Variants in NWD1 observed in about 807,000 individuals in gnomAD.
The protein encoded by NWD1 is NACHT domain- and WD repeat-containing protein 1.
In NWD1, 129 loss-of-function variants were observed where a neutral mutation model predicts 135.1. That is an observed-to-expected ratio of 0.96 (90% CI 0.83 to 1.11). The LOEUF is 1.11. NWD1 is among the 50% of genes least tolerant of loss of function. The probability of loss-of-function intolerance (pLI) is 0.00; values close to 1 mark genes in which losing one functional copy is unlikely to be tolerated. For synonymous variants in NWD1, 773 were observed against 786.0 expected, an observed-to-expected ratio of 0.98 and a Z score of 0.28; for missense variants, 1,740 against 1,851.3, an observed-to-expected ratio of 0.94 and a Z score of 1.10.
chr19:16,776,014 T>C (rs966373471), intron 11 of NWD1, among the ~76,000 whole-genome samples: 1 of 152,174 alleles, frequency 6.6e-6, no homozygotes, highest in African/African-American at 2.4e-5. Flanking sequence ...AGCTAAAACC[T>C]GTAGGCTTTT....
intron 12 of NWD1, among the ~76,000 whole-genome samples, chr19:16,782,159 T>C (rs1969878793): frequency 6.8e-6 from 1 of 147,818 alleles, no homozygotes. Flanking sequence ...AGAAAACAGG[T>C]TGGGCATTTT....
chr19:16,795,328 C>G (rs1970382741), intron 15 of NWD1, among the ~76,000 whole-genome samples: 1 of 152,114 alleles, frequency 6.6e-6, no homozygotes, highest in South Asian at 2.1e-4. Context: ...GGCCCATGGG[C>G]AGACCAGGCC....
intron 6 of NWD1, among the ~76,000 whole-genome samples, chr19:16,755,687 CTTA>C (rs1170950055): frequency 6.8e-6 from 1 of 148,014 alleles, no homozygotes; most frequent in Non-Finnish European, 1.5e-5. Context: ...CACATCCAGC[CTTA>C]TTTATTTATT....
chr19:16,795,015 C>T (rs1361864840), intron 15 of NWD1, among the ~76,000 whole-genome samples: 1 of 152,210 alleles, frequency 6.6e-6, no homozygotes, highest in African/African-American at 2.4e-5. Context: ...TTCCTGACCT[C>T]AGGTGATTCG....
intron 8 of NWD1, among the ~76,000 whole-genome samples, chr19:16,763,422 C>T (rs1294826570): frequency 1.3e-5 from 2 of 152,212 alleles, no homozygotes; most frequent in Non-Finnish European, 2.9e-5. Flanking sequence ...CCCGCATCCC[C>T]TAACCTGACT....
At chr19:16,753,108 T>C (rs1203022921) in intron 6 of NWD1, among the ~76,000 whole-genome samples, 1 of 152,182 alleles carries the variant, frequency 6.6e-6, no homozygotes, top group Non-Finnish European at 1.5e-5. Context: ...GAAACTGTCA[T>C]AAAAATCAGA....
At chr19:16,790,638 A>AATAATAATAAAT (rs1555730371) in intron 13 of NWD1, among the ~76,000 whole-genome samples, 2 of 56,966 alleles carry the variant, frequency 3.5e-5, no homozygotes, top group Non-Finnish European at 8.7e-5. Context: ...ACATTAAAAA[A>AATAATAATAAAT]AAATAAATAA....
chr19:16,779,724 A>G (rs1969789230), intron 12 of NWD1, among the ~76,000 whole-genome samples: 1 of 152,050 alleles, frequency 6.6e-6, no homozygotes, highest in African/African-American at 2.4e-5. Context: ...TGCAGCCTCA[A>G]ACTCCTGGGC....
chr19:16,776,308 G>A (rs935509983), intron 11 of NWD1, among the ~76,000 whole-genome samples: 11 of 152,040 alleles, frequency 7.2e-5, no homozygotes, highest in African/African-American at 2.4e-4. Flanking sequence ...GGTGGCTCAC[G>A]CCTGTAATCC....
In NWD1 at chr19:16,799,899, C is replaced by A; in HGVS notation, c.3473C>A (p.Ser1158Ter). The change falls in exon 17 of 19, where the codon TCA (serine) becomes TAA (stop). Residue 1158 changes from serine (S) to a stop codon, truncating the protein, a stop_gained. Transcript: ENST00000524140. LOFTEE classifies it high-confidence loss of function. ...LDALIQVWSL[S>*]EQGTLLDILE... ...CTGCTTCCTCAGGTGTGGAGTCTGTCAGAACAGGGGACCCTTCTGGACATC... is the reference window on the plus strand; with the variant it reads ...CTGCTTCCTCAGGTGTGGAGTCTGTAAGAACAGGGGACCCTTCTGGACATC... 6.2e-7 allele frequency: 1 copy of A among 1,607,790 alleles called. No individual in the cohort carries two copies. The highest frequency in any genetic ancestry group is 8.5e-7 in the Non-Finnish European group (1 of 1,176,726).
At position 16,799,979 on chromosome 19, in the gene NWD1, G is replaced by T; in HGVS notation, c.3553G>T (p.Ala1185Ser). ...SLLARGGALV[A>S]SASPQSSSFK... ...GCTGGCCCGCGGCGGGGCTTTGGTGGCATCTGCTTCCCCACAGTCCTCATC... is the reference window on the plus strand; with the variant it reads ...GCTGGCCCGCGGCGGGGCTTTGGTGTCATCTGCTTCCCCACAGTCCTCATC... Residue 1185 changes from alanine (A) to serine (S), a missense_variant, in exon 17 of 19, where the codon GCA (alanine) becomes TCA (serine). Physicochemically the swap from Ala to Ser is moderately conservative, Grantham distance 99. Transcript: ENST00000524140. The T allele has an allele frequency of 6.2e-7, 1 of 1,614,178 alleles. No homozygotes were observed.
intron 7 of NWD1, among the ~76,000 whole-genome samples, chr19:16,760,029 C>T (rs2122874228): frequency 6.6e-6 from 1 of 151,876 alleles, no homozygotes; most frequent in South Asian, 2.1e-4. Context: ...ATGGTACACA[C>T]TTGTGGTCCC....
intron 5 of NWD1, among the ~76,000 whole-genome samples, chr19:16,746,438 G>T (rs1968319513): frequency 6.6e-6 from 1 of 152,244 alleles, no homozygotes; most frequent in African/African-American, 2.4e-5. Context: ...ACTTTGGAAG[G>T]CTGAGGCAGA....
chr19:16,749,518 G>A lies in NWD1; in HGVS notation c.876G>A (p.Ala292=), dbSNP rs201309637. ...TGGATACGGCCGGACAGGAGTTGGCGTGGCTCTACCAAGAGATCCGCCACC... is the reference window on the plus strand; with the variant it reads ...TGGATACGGCCGGACAGGAGTTGGCATGGCTCTACCAAGAGATCCGCCACC... ...RELDTAGQEL[A]WLYQEIRHHL... The change falls in exon 6 of 19, where the codon GCG becomes GCA. Residue 292 remains alanine (A), a synonymous_variant. Transcript: ENST00000524140. 191 of 1,610,866 alleles carry A rather than the reference G, an allele frequency of 1.2e-4. 1 individual carries two copies. The highest frequency in any genetic ancestry group is 5.5e-5 in the Non-Finnish European group (65 of 1,177,346).
intron 6 of NWD1, among the ~76,000 whole-genome samples, chr19:16,753,533 C>T (rs1040910578): frequency 6.6e-5 from 10 of 152,116 alleles, no homozygotes; most frequent in South Asian, 2.1e-4. Flanking sequence ...GGCTAGAGGT[C>T]GTCACCTCAG....
At chr19:16,750,999 A>G (rs562736655) in intron 6 of NWD1, among the ~76,000 whole-genome samples, 1 of 152,092 alleles carries the variant, frequency 6.6e-6, no homozygotes, top group Non-Finnish European at 1.5e-5. Flanking sequence ...AGGCGGGCGG[A>G]TCACCCAAGG....
intron 6 of NWD1, among the ~76,000 whole-genome samples, chr19:16,758,746 C>G (rs1411401497): frequency 6.6e-6 from 1 of 151,910 alleles, no homozygotes; most frequent in Non-Finnish European, 1.5e-5. Context: ...GGTGTGCATG[C>G]AGAGGAAAAG....
Position 16,754,790 on chromosome 19 carries a change from T to TCATCCATCCATC in NWD1, c.1769+4398_1770-4405dup, listed in dbSNP as rs112223594. On this transcript the variant is annotated intron_variant, in intron 6 of 18. Transcript: ENST00000524140. ...TCCATCCACCCACCTATCATCTCTA[T>TCATCCATCCATC]CATCCATCCATCCATCCATCCATCC... 1.5e-3 allele frequency among the ~76,000 whole-genome samples: 223 copies of TCATCCATCCATC among 145,366 alleles called. 1 individual carries two copies. The highest frequency in any genetic ancestry group is 5.5e-3 in the African/African-American group (214 of 39,156).
At chr19:16,803,075 G>C (rs2123114155) in intron 17 of NWD1, among the ~76,000 whole-genome samples, 1 of 152,222 alleles carries the variant, frequency 6.6e-6, no homozygotes, top group South Asian at 2.1e-4. Flanking sequence ...GAGGAGCAAA[G>C]TCACGTCTTA....
Sources: gnomAD v4.1 joint callset for allele counts (sites outside exome capture counted in the v4.1 genomes callset) on GRCh38, gnomAD v4.1.1 for gene constraint, MANE v1.5 for transcripts, NCBI Gene and HGNC (gene_info 2026-07-23, HGNC 2026-07-21) for gene names.